ASNSD1: variants seen among roughly 807,000 people sequenced by gnomAD.
ASNSD1 encodes the protein asparagine synthetase domain containing 1.
A neutral mutation model predicts 48.3 loss-of-function variants in ASNSD1; 36 were observed. That is an observed-to-expected ratio of 0.75 (90% CI 0.57 to 0.99). The LOEUF is 0.99. Ranked by LOEUF, ASNSD1 falls within the 50% of genes least tolerant of loss-of-function variation. The probability of loss-of-function intolerance (pLI) is 0.00; values close to 1 mark genes in which losing one functional copy is unlikely to be tolerated. For synonymous variants in ASNSD1, 257 were observed against 262.1 expected, an observed-to-expected ratio of 0.98 and a Z score of 0.19; for missense variants, 714 against 758.2, an observed-to-expected ratio of 0.94 and a Z score of 0.69.
Position 189,666,141 on chromosome 2 carries a change from C to A in ASNSD1, c.9C>A (p.Gly3=). Residue 3 remains glycine (G), a synonymous_variant, in exon 4 of 6, where the codon GGC becomes GGA. Transcript: ENST00000260952. ...CCTGATTTCACATAACAATGTGTGG[C>A]ATTTGTTGTTCTGTAAACTTTTCTG... is the stretch of plus-strand genomic sequence containing the variant. MC[G]ICCSVNFSAE... 6.4e-7 allele frequency: 1 copy of A among 1,558,214 alleles called. No homozygotes were observed. The highest frequency in any genetic ancestry group is 8.7e-7 in the Non-Finnish European group (1 of 1,154,306).
intron 3 of ASNSD1, among the ~76,000 whole-genome samples, 183 bp downstream of exon 3, chr2:189,665,634 A>ATATATATG (rs2032782805): frequency 1.6e-5 from 2 of 124,596 alleles, no homozygotes; most frequent in African/African-American, 5.9e-5. Context: ...ATATATATAT[A>ATATATATG]TATATATATA....
At chr2:189,669,267 C>G (rs562294101) in intron 5 of ASNSD1, among the ~76,000 whole-genome samples, 1 of 152,112 alleles carries the variant, frequency 6.6e-6, no homozygotes, top group Non-Finnish European at 1.5e-5. Context: ...TAATAAAGTC[C>G]GTAAACTGTT....
intron 1 of ASNSD1, among the ~76,000 whole-genome samples, chr2:189,663,473 G>A (rs142096153): frequency 0.11 from 16,599 of 152,030 alleles, 1,412 homozygotes; most frequent in African/African-American, 0.24. Context: ...GGCTGGTCTC[G>A]AACTCCCGAC....
intron 5 of ASNSD1, among the ~76,000 whole-genome samples, chr2:189,668,157 T>C (rs1012865488): frequency 1.3e-5 from 2 of 152,204 alleles, no homozygotes; most frequent in African/African-American, 4.8e-5. Context: ...CTAAGAAATG[T>C]CTTTTCAGTA....
intron 3 of ASNSD1, 104 bp from the exon 4 acceptor site, chr2:189,665,937 T>C (rs1191612474): frequency 5.8e-6 from 3 of 519,558 alleles, no homozygotes; most frequent in East Asian, 3.0e-5. Flanking sequence ...TGTGTGTTTA[T>C]ATGGTTTGAT....
chr2:189,662,223 A>G (rs1449451560), intron 1 of ASNSD1, among the ~76,000 whole-genome samples: 3 of 152,198 alleles, frequency 2.0e-5, no homozygotes, highest in African/African-American at 7.2e-5. Flanking sequence ...TGGGGGAGAG[A>G]GGAAGCCAAT....
intron 1 of ASNSD1, 70 bp downstream of exon 1, chr2:189,661,680 C>G: frequency 2.5e-6 from 1 of 399,116 alleles, no homozygotes; most frequent in Non-Finnish European, 4.4e-6. Flanking sequence ...GAAGGTGGTC[C>G]GCAGCGGGCA....
At chr2:189,669,572 G>A (rs901608525) in intron 5 of ASNSD1, among the ~76,000 whole-genome samples, 2 of 152,172 alleles carry the variant, frequency 1.3e-5, no homozygotes, top group African/African-American at 4.8e-5. Context: ...TCATTTTTAT[G>A]TAATATTCCA....
At position 189,667,295 on chromosome 2, in the gene ASNSD1, ATGT is replaced by A; in HGVS notation, c.1166_1168del (p.Val389del). The A allele has an allele frequency of 1.2e-6, 2 of 1,614,160 alleles. No homozygotes were observed. The highest frequency in any genetic ancestry group is 2.2e-5 in the South Asian group (2 of 91,082). On this transcript the variant is annotated inframe_deletion, in exon 4 of 6. Transcript: ENST00000260952. ...ATACCTTCAGAAGAATTCTCTAAAG[ATGT>A]TGCTGCTGCTGCTGCTGACAGTCCT...
intron 5 of ASNSD1, among the ~76,000 whole-genome samples, chr2:189,668,664 A>G (rs2032863974): frequency 6.6e-6 from 1 of 152,226 alleles, no homozygotes; most frequent in Admixed American, 6.5e-5. Context: ...TTGTCTCTAT[A>G]GACATTTCTG....
chr2:189,670,411 C>T (rs1262206127), intron 5 of ASNSD1, 30 bp from the exon 6 acceptor site: 1 of 1,545,640 alleles, frequency 6.5e-7, no homozygotes. Context: ...TTTATTTTTA[C>T]ATAGTGGTTA....
At chr2:189,662,557 T>C (rs1007325230) in intron 1 of ASNSD1, among the ~76,000 whole-genome samples, 2 of 152,102 alleles carry the variant, frequency 1.3e-5, no homozygotes, top group Non-Finnish European at 2.9e-5. Context: ...TGCACATTCA[T>C]GGGGATTGGG....
chr2:189,670,129 C>T (rs1161227943), intron 5 of ASNSD1, among the ~76,000 whole-genome samples: 1 of 145,846 alleles, frequency 6.9e-6, no homozygotes, highest in Admixed American at 7.1e-5. Context: ...GGCAATGTGG[C>T]GAAATCTCAT....
At position 189,667,886 on chromosome 2, in the gene ASNSD1, T is replaced by G; in HGVS notation, c.1587T>G (p.Ile529Met). The G allele has an allele frequency of 1.2e-6, 2 of 1,613,992 alleles. No individual in the cohort carries two copies. The highest frequency in any genetic ancestry group is 8.5e-7 in the Non-Finnish European group (1 of 1,179,980). Reference sequence around the variant, plus strand: ...AAATAATGATGGAACTGGGTCGAATTTCTTCTAGAAATCTTGGTCGTGATG... The same window carrying G: ...AAATAATGATGGAACTGGGTCGAATGTCTTCTAGAAATCTTGGTCGTGATG... ...NKEIMMELGR[I>M]SSRNLGRDDR... The change falls in exon 5 of 6, where the codon ATT becomes ATG. Residue 529 changes from isoleucine to methionine, a missense_variant. Transcript: ENST00000260952.
At chr2:189,668,723 C>T (rs1450364912) in intron 5 of ASNSD1, among the ~76,000 whole-genome samples, 5 of 152,188 alleles carry the variant, frequency 3.3e-5, no homozygotes, top group Non-Finnish European at 7.3e-5. Flanking sequence ...ACTGGATATT[C>T]CTCTGCCACG....
intron 5 of ASNSD1, among the ~76,000 whole-genome samples, chr2:189,669,807 A>G (rs1054636337): frequency 2.0e-5 from 3 of 152,124 alleles, no homozygotes; most frequent in Non-Finnish European, 4.4e-5. Flanking sequence ...AATTTAGGGG[A>G]AAAAAATCTA....
chr2:189,663,649 C>G (rs2032723835), intron 1 of ASNSD1, among the ~76,000 whole-genome samples: 1 of 152,206 alleles, frequency 6.6e-6, no homozygotes, highest in African/African-American at 2.4e-5. Context: ...AAATCCCTGT[C>G]TGGTCTTAAT....
At chr2:189,668,058 G>A in intron 5 of ASNSD1, 113 bp downstream of exon 5, 4 of 985,020 alleles carry the variant, frequency 4.1e-6, no homozygotes. Flanking sequence ...AATAAGAGCA[G>A]CAATAATAGC....
rs750758362 is a variant in ASNSD1, at chr2:189,667,356, A to G, written c.1224A>G (p.Thr408=). 1.9e-6 allele frequency: 3 copies of G among 1,614,070 alleles called. No homozygotes were observed. In the African/African-American group the frequency reaches 4.0e-5, roughly 22 times the overall value. ...ATGTCAGTGTACCAGATCGAATCAC[A>G]GGAAGGGCGGGACTAAAGGAACTAC... The part of the protein sequence containing the change: ...NKHVSVPDRI[T]GRAGLKELQA... Residue 408 remains threonine (T), a synonymous_variant, in exon 4 of 6, where the codon ACA becomes ACG. Coordinates refer to ENST00000260952, the MANE Select transcript of ASNSD1 (RefSeq NM_019048.4).
Sources: gnomAD v4.1 joint callset for allele counts (sites outside exome capture counted in the v4.1 genomes callset) on GRCh38, gnomAD v4.1.1 for gene constraint, MANE v1.5 for transcripts, NCBI Gene and HGNC (gene_info 2026-07-23, HGNC 2026-07-21) for gene names.